The following PTCH1 variants were observed in gnomAD, a reference collection of about 807,000 sequenced individuals.
PTCH1 encodes patched 1, also known as protein patched homolog 1.
Under a neutral mutation model 144.6 loss-of-function variants are expected in PTCH1, and 14 were observed. That is an observed-to-expected ratio of 0.10 (90% CI 0.06 to 0.15). The LOEUF (loss-of-function observed/expected upper bound fraction) is 0.15. Ranked by LOEUF, PTCH1 falls within the 10% of genes least tolerant of loss-of-function variation. The pLI, the probability that PTCH1 is intolerant of heterozygous loss-of-function variation, is 1.00. For missense variants in PTCH1, 1,623 were observed against 1,948.3 expected (o/e 0.83, Z 3.14); for synonymous variants, 833 against 793.6 (o/e 1.05, Z -0.83).
rs935378360 is a variant in PTCH1 at position 95,474,406 on chromosome 9, C to T, written c.1728+1628G>A. ...GCATTCTACAACTTCAGCTGCACTG[C>T]GAGTCTGGTTCACCTTTCATGCCAC... On this transcript the variant is annotated intron_variant, in intron 12 of 23. Transcript: ENST00000331920. Among the ~76,000 whole-genome samples the T allele has an allele frequency of 2.0e-5, 3 of 152,180 alleles. No homozygotes were observed. The South Asian group carries it at 6.2e-4, about 31-fold the overall frequency.
intron 2 of PTCH1, among the ~76,000 whole-genome samples, chr9:95,491,277 T>A (rs1038280575): frequency 6.6e-6 from 1 of 152,080 alleles, no homozygotes; most frequent in African/African-American, 2.4e-5. Flanking sequence ...AGACAGGCAG[T>A]GAGAATGGAA....
chr9:95,511,639 C>CT (rs1491118204), upstream of PTCH1, among the ~76,000 whole-genome samples: 1 of 152,214 alleles, frequency 6.6e-6, no homozygotes, highest in East Asian at 1.9e-4. Flanking sequence ...GAAAATGACA[C>CT]TGAGTTGATA....
chr9:95,489,213 C>T (rs1392593516), intron 2 of PTCH1, among the ~76,000 whole-genome samples: 1 of 152,218 alleles, frequency 6.6e-6, no homozygotes, highest in African/African-American at 2.4e-5. Flanking sequence ...TGCTGAATGA[C>T]AGCTGAAAGC....
At position 95,449,947 on chromosome 9, in the gene PTCH1, G is replaced by A. The variant is rs1838317839; in HGVS notation, c.3450-7C>T. 1 of 1,612,616 alleles carries A rather than the reference G, an allele frequency of 6.2e-7. No homozygotes were observed. ...CAGCACAGCAAAGAAATACCTGGGAGATCAAGAGGAAACGGGAACACGCGC... is the reference window on the plus strand; with the variant it reads ...CAGCACAGCAAAGAAATACCTGGGAAATCAAGAGGAAACGGGAACACGCGC... On this transcript the variant is annotated splice_region_variant and splice_polypyrimidine_tract_variant and intron_variant, in intron 20 of 23. Transcript: ENST00000331920. This position sits in a 1 kb window ranked among gnomAD's most constrained non-coding sequence, Gnocchi z 5.3.
intron 2 of PTCH1, among the ~76,000 whole-genome samples, chr9:95,494,587 G>C (rs998610071): frequency 2.0e-5 from 3 of 152,178 alleles, no homozygotes; most frequent in African/African-American, 4.8e-5. Flanking sequence ...CCGCTCAAGC[G>C]CAACAGGCAG....
At chr9:95,461,824 G>C (rs2136685874) in intron 16 of PTCH1, 32 bp downstream of exon 16, 1 of 1,613,502 alleles carries the variant, frequency 6.2e-7, no homozygotes, top group Non-Finnish European at 8.5e-7. Flanking sequence ...CGCAGCCCTG[G>C]AAGCGCCCTC....
chr9:95,471,124 G>C (rs1257573238), intron 12 of PTCH1, among the ~76,000 whole-genome samples: 4 of 151,834 alleles, frequency 2.6e-5, no homozygotes, highest in African/African-American at 9.7e-5. Context: ...AATAAAAAAC[G>C]AGGCTTCTCA....
intron 16 of PTCH1, among the ~76,000 whole-genome samples, chr9:95,461,361 C>T (rs528922749): frequency 9.2e-5 from 14 of 152,278 alleles, no homozygotes; most frequent in Non-Finnish European, 1.6e-4. Context: ...CCAGGGCCAC[C>T]CAAAGATCTC....
upstream of PTCH1, among the ~76,000 whole-genome samples, chr9:95,509,944 G>A (rs1429885913): frequency 6.6e-6 from 1 of 151,908 alleles, no homozygotes; most frequent in East Asian, 1.9e-4. Flanking sequence ...CAAGGACGTT[G>A]GGAAAAGCCA....
chr9:95,506,643 G>A (rs1007806383), intron 1 of PTCH1, 44 bp from the exon 2 acceptor site: 35 of 1,429,150 alleles, frequency 2.4e-5, no homozygotes, highest in Non-Finnish European at 2.8e-5. Context: ...GGGGAGTCGC[G>A]GCCCGCGCGC....
At chr9:95,510,017 C>T (rs1313844640), upstream of PTCH1, among the ~76,000 whole-genome samples, 3 of 138,362 alleles carry the variant, frequency 2.2e-5, no homozygotes, top group Non-Finnish European at 4.8e-5. Context: ...AAAAAAAAAA[C>T]ACAGTCTTGG....
chr9:95,501,813 G>A (rs1843164886), intron 2 of PTCH1, among the ~76,000 whole-genome samples: 3 of 152,144 alleles, frequency 2.0e-5, no homozygotes, highest in Admixed American at 1.3e-4. Flanking sequence ...TAGATACTGA[G>A]GGAGATGGGT....
At chr9:95,512,224 C>G (rs1844192660), upstream of PTCH1, among the ~76,000 whole-genome samples, 1 of 152,140 alleles carries the variant, frequency 6.6e-6, no homozygotes, top group Non-Finnish European at 1.5e-5. Context: ...AACATTGATC[C>G]CCGGAGCTTT....
chr9:95,488,402 G>A (rs995907825), intron 2 of PTCH1, among the ~76,000 whole-genome samples: 4 of 151,952 alleles, frequency 2.6e-5, no homozygotes, highest in Non-Finnish European at 4.4e-5. Context: ...TGAAGTCTAC[G>A]GTTTTCTCAA....
intron 5 of PTCH1, 89 bp from the exon 6 acceptor site, chr9:95,480,677 G>A: frequency 7.4e-7 from 1 of 1,350,408 alleles, no homozygotes; most frequent in Admixed American, 1.7e-5. Context: ...CATCCACCTT[G>A]TAGGAGGTTC....
At chr9:95,464,484 C>T (rs1451338005) in intron 15 of PTCH1, among the ~76,000 whole-genome samples, 34 of 152,048 alleles carry the variant, frequency 2.2e-4, no homozygotes, top group Non-Finnish European at 2.9e-5. Context: ...AGGAATAACC[C>T]CAATTGCCCA....
chr9:95,509,466 G>T (rs1425074881), upstream of PTCH1, among the ~76,000 whole-genome samples: 2 of 152,060 alleles, frequency 1.3e-5, no homozygotes, highest in Non-Finnish European at 2.9e-5. Flanking sequence ...GTGCATCCTC[G>T]GCTTCGGGGC....
At chr9:95,481,801 C>G in intron 5 of PTCH1, 148 bp downstream of exon 5, 1 of 772,370 alleles carries the variant, frequency 1.3e-6, no homozygotes, top group Non-Finnish European at 2.2e-6. Flanking sequence ...CCCCTCTCCC[C>G]CGACTATTCA....
chr9:95,475,896 T>C, intron 12 of PTCH1, 138 bp downstream of exon 12: 1 of 1,380,598 alleles, frequency 7.2e-7, no homozygotes, highest in African/African-American at 1.4e-5. Flanking sequence ...TCCACCCAGT[T>C]AAACAGAGCC....
Sources: allele counts gnomAD v4.1 joint callset (sites outside exome capture counted in the v4.1 genomes callset), GRCh38; gene constraint gnomAD v4.1.1; non-coding constraint Gnocchi (gnomAD v3.1); transcripts MANE v1.5; gene names NCBI Gene and HGNC (gene_info 2026-07-23, HGNC 2026-07-21).